The following CDCP1 variants were observed in gnomAD, a reference collection of about 807,000 sequenced individuals.
The protein encoded by CDCP1 is CUB domain-containing protein 1.
Under a neutral mutation model 60.2 loss-of-function variants are expected in CDCP1, and 29 were observed. The observed-to-expected ratio is 0.48, with a 90% CI of 0.36 to 0.66. The LOEUF is 0.66. Ranked by LOEUF, CDCP1 falls within the 30% of genes least tolerant of loss-of-function variation. The pLI, the probability that CDCP1 is intolerant of heterozygous loss-of-function variation, is 0.00. For missense variants in CDCP1, 876 were observed against 1,074.3 expected (o/e 0.82, Z 2.58); for synonymous variants, 387 against 431.1 (o/e 0.90, Z 1.27).
chr3:45,114,396 C>A (rs1290449557), intron 2 of CDCP1, among the ~76,000 whole-genome samples: 1 of 150,140 alleles, frequency 6.7e-6, no homozygotes, highest in Non-Finnish European at 1.5e-5. Context: ...CAGCAGATTT[C>A]TAATTTCATT....
intron 1 of CDCP1, among the ~76,000 whole-genome samples, chr3:45,134,154 T>A (rs1699153107): frequency 6.6e-6 from 1 of 151,940 alleles, no homozygotes; most frequent in South Asian, 2.1e-4. Flanking sequence ...CTTTCTTTTT[T>A]TTTTTTTGAG....
At chr3:45,143,211 T>G (rs1559404349) in intron 1 of CDCP1, among the ~76,000 whole-genome samples, 1 of 151,946 alleles carries the variant, frequency 6.6e-6, no homozygotes, top group Non-Finnish European at 1.5e-5. Flanking sequence ...TCTCAAAAAT[T>G]TAAAAAAAGA....
chr3:45,125,710 A>ACGT, intron 1 of CDCP1, among the ~76,000 whole-genome samples: 1 of 152,216 alleles, frequency 6.6e-6, no homozygotes, highest in East Asian at 1.9e-4. Context: ...GGTGGGGACT[A>ACGT]CGTAAGGCAG....
At chr3:45,114,265 G>A (rs1376798894) in intron 2 of CDCP1, among the ~76,000 whole-genome samples, 18 of 152,220 alleles carry the variant, frequency 1.2e-4, no homozygotes, top group African/African-American at 4.3e-4. Flanking sequence ...AAAATGATTG[G>A]CATGCCTCGG....
chr3:45,133,132 G>A (rs1328946032), intron 1 of CDCP1, among the ~76,000 whole-genome samples: 3 of 152,140 alleles, frequency 2.0e-5, no homozygotes, highest in Non-Finnish European at 2.9e-5. Flanking sequence ...AATGTAGGTG[G>A]TCTCTGAAAG....
intron 4 of CDCP1, among the ~76,000 whole-genome samples, chr3:45,098,815 T>A (rs1296239396): frequency 6.6e-6 from 1 of 152,194 alleles, no homozygotes; most frequent in African/African-American, 2.4e-5. Context: ...GCATAAAATT[T>A]TGTGTTCCCT....
intron 1 of CDCP1, among the ~76,000 whole-genome samples, chr3:45,137,652 C>CAAAAAAAAAAA (rs55725243): frequency 8.5e-6 from 1 of 118,160 alleles, no homozygotes. Context: ...ATTAAAAATA[C>CAAAAAAAAAAA]AAAAAAAAAA....
At chr3:45,110,094 T>G in intron 4 of CDCP1, 1 of 574,698 alleles carries the variant, frequency 1.7e-6, no homozygotes, top group South Asian at 4.0e-5. Context: ...TATGTGTCCA[T>G]AGTAGGGGTG....
chr3:45,095,280 C>T, intron 5 of CDCP1, 67 bp downstream of exon 5: 2 of 1,473,392 alleles, frequency 1.4e-6, no homozygotes, highest in South Asian at 2.3e-5. Flanking sequence ...GGGAACCCCA[C>T]TAAGGCAAGG....
At chr3:45,126,111 T>TTTCTTTCCTTCTTTCC (rs1491243193) in intron 1 of CDCP1, among the ~76,000 whole-genome samples, 1 of 94,324 alleles carries the variant, frequency 1.1e-5, no homozygotes, top group Non-Finnish European at 2.1e-5. Context: ...TCTCTCTCTC[T>TTTCTTTCCTTCTTTCC]TTCTTTCTTT....
intron 1 of CDCP1, among the ~76,000 whole-genome samples, chr3:45,141,109 G>A (rs1482182658): frequency 6.6e-6 from 1 of 152,094 alleles, no homozygotes. Flanking sequence ...GCTGAGGCAT[G>A]AGAATCACTT....
intron 4 of CDCP1, among the ~76,000 whole-genome samples, chr3:45,104,641 G>A (rs1698531549): frequency 1.3e-5 from 2 of 152,190 alleles, no homozygotes; most frequent in Admixed American, 6.5e-5. Flanking sequence ...CAGCTGAGAA[G>A]GTTGCAAATT....
At chr3:45,108,678 ACAC>A (rs1698613695) in intron 4 of CDCP1, among the ~76,000 whole-genome samples, 1 of 148,858 alleles carries the variant, frequency 6.7e-6, no homozygotes, top group Non-Finnish European at 1.5e-5. Flanking sequence ...ACACACACAC[ACAC>A]TATATATATA....
At chr3:45,102,353 A>T (rs1189434869) in intron 4 of CDCP1, among the ~76,000 whole-genome samples, 1 of 151,788 alleles carries the variant, frequency 6.6e-6, no homozygotes, top group African/African-American at 2.4e-5. Flanking sequence ...TACAGGCATG[A>T]GCCACCTTGC....
intron 1 of CDCP1, among the ~76,000 whole-genome samples, chr3:45,140,027 C>T (rs538827187): frequency 1.3e-5 from 2 of 152,318 alleles, no homozygotes; most frequent in Admixed American, 6.5e-5. Flanking sequence ...CAGATGTTCC[C>T]GCCTCCAGAT....
At chr3:45,120,025 T>G (rs1219126020) in intron 1 of CDCP1, among the ~76,000 whole-genome samples, 2 of 152,220 alleles carry the variant, frequency 1.3e-5, no homozygotes, top group Non-Finnish European at 2.9e-5. Context: ...TTTCCTCCTT[T>G]TTATTGCTGA....
chr3:45,099,131 T>TC (rs370897422), intron 4 of CDCP1, among the ~76,000 whole-genome samples: 269 of 151,834 alleles, frequency 1.8e-3, no homozygotes, highest in African/African-American at 6.4e-3. Flanking sequence ...TTTCTTTTTT[T>TC]TTTTTTTAAT....
chr3:45,117,515 C>T (rs1482724669), intron 2 of CDCP1, among the ~76,000 whole-genome samples: 1 of 152,132 alleles, frequency 6.6e-6, no homozygotes, highest in Non-Finnish European at 1.5e-5. Flanking sequence ...TGAAGCCAAA[C>T]CCAACTCCAT....
At position 45,146,077 on chromosome 3, in the gene CDCP1, GT is replaced by G. The variant is rs199966696; in HGVS notation, c.82+128del. 8.1e-3 allele frequency: 6,158 copies of G among 757,418 alleles called. 311 individuals are homozygous for G. The African/African-American group carries it at 0.1, about 13-fold the overall frequency. 46.9% of individuals were successfully genotyped at this position (757,418 alleles called of 1,614,324 possible). A position where few individuals can be genotyped will look rare whatever the true frequency, so the allele number is the denominator to read the frequency against. ...GCCACCCGCGCATTTTGACTACGCCGTCCCCGCCCTCTCTCCGCACCCTCCG... is the reference window on the plus strand; with the variant it reads ...GCCACCCGCGCATTTTGACTACGCCGCCCCGCCCTCTCTCCGCACCCTCCG... On this transcript the variant is annotated intron_variant, in intron 1 of 8. Transcript: ENST00000296129.
Sources: allele counts gnomAD v4.1 joint callset (sites outside exome capture counted in the v4.1 genomes callset), GRCh38; gene constraint gnomAD v4.1.1; transcripts MANE v1.5; gene names NCBI Gene and HGNC (gene_info 2026-07-23, HGNC 2026-07-21).